Variants in NFATC2 observed in about 807,000 individuals in gnomAD.
NFATC2 encodes nuclear factor of activated T-cells, cytoplasmic 2.
NFATC2 carries 22 observed loss-of-function variants against 87.3 expected under a neutral mutation model. The observed-to-expected ratio is 0.25, with a 90% CI of 0.18 to 0.36. The LOEUF (loss-of-function observed/expected upper bound fraction) is 0.36. NFATC2 is among the 10% of genes least tolerant of loss of function. The probability of loss-of-function intolerance (pLI) is 1.00; values close to 1 mark genes in which losing one functional copy is unlikely to be tolerated. For synonymous variants in NFATC2, 565 were observed against 542.2 expected (o/e 1.04, Z -0.58); for missense variants, 1,149 against 1,259.1 (o/e 0.91, Z 1.32).
At chr20:51,456,392 T>C (rs1986543633) in intron 5 of NFATC2, among the ~76,000 whole-genome samples, 1 of 152,136 alleles carries the variant, frequency 6.6e-6, no homozygotes, top group Non-Finnish European at 1.5e-5. Flanking sequence ...AAGTCACCGC[T>C]TGGCCAAGGA....
intron 3 of NFATC2, among the ~76,000 whole-genome samples, chr20:51,491,722 A>G (rs566869325): frequency 1.3e-5 from 2 of 152,222 alleles, no homozygotes; most frequent in Admixed American, 6.5e-5. Flanking sequence ...AACGGGCTCC[A>G]GGACACTCCT....
chr20:51,437,552 C>T (rs746481071), intron 6 of NFATC2, among the ~76,000 whole-genome samples: 1 of 152,134 alleles, frequency 6.6e-6, no homozygotes, highest in Non-Finnish European at 1.5e-5. Flanking sequence ...GGACTTCAAG[C>T]GTTCTTAAAC....
intron 6 of NFATC2, among the ~76,000 whole-genome samples, chr20:51,437,112 CA>C (rs3029278): frequency 0.043 from 5,562 of 130,640 alleles, 221 homozygotes; most frequent in African/African-American, 0.13. Flanking sequence ...GAAGTTGGGC[CA>C]AAAAAAAAAA....
upstream of NFATC2, among the ~76,000 whole-genome samples, chr20:51,545,315 C>G (rs1159096826): frequency 6.6e-6 from 1 of 152,212 alleles, no homozygotes; most frequent in Non-Finnish European, 1.5e-5. Context: ...CATAACAGCA[C>G]CCCAGTGTGT....
intron 9 of NFATC2, among the ~76,000 whole-genome samples, chr20:51,408,090 C>T (rs1164274328): frequency 1.3e-5 from 2 of 152,210 alleles, no homozygotes; most frequent in Non-Finnish European, 2.9e-5. Flanking sequence ...AGGCCAAAGC[C>T]AGTTTCTCAA....
At chr20:51,396,357 A>ACAACCCAGAGGTATT (rs1341560654) in intron 10 of NFATC2, among the ~76,000 whole-genome samples, 1 of 152,030 alleles carries the variant, frequency 6.6e-6, no homozygotes, top group Non-Finnish European at 1.5e-5. Flanking sequence ...CATGGGGAAA[A>ACAACCCAGAGGTATT]CAACCCAGAG....
At chr20:51,499,536 T>C (rs1287305447) in intron 3 of NFATC2, among the ~76,000 whole-genome samples, 8 of 152,066 alleles carry the variant, frequency 5.3e-5, no homozygotes, top group African/African-American at 1.9e-4. Flanking sequence ...GTGGATCACT[T>C]GAGGCCAGGA....
At chr20:51,546,163 T>C (rs1490336200), upstream of NFATC2, among the ~76,000 whole-genome samples, 1 of 152,220 alleles carries the variant, frequency 6.6e-6, no homozygotes, top group Non-Finnish European at 1.5e-5. Context: ...TTCAGGACAG[T>C]CTAACTGCCT....
Position 51,411,673 on chromosome 20 carries a change from G to A in NFATC2, c.2723-12943C>T, listed in dbSNP as rs146861745. On this transcript the variant is annotated intron_variant, in intron 9 of 10. Transcript: ENST00000371564. ...CTCCTGAGTAGCTGGGATTACAGGC[G>A]TGTGCCACCACGCACAGCTAGTTTT... Among the ~76,000 whole-genome samples the A allele has an allele frequency of 2.9e-3, 444 of 152,018 alleles. 9 individuals are homozygous for A. In the East Asian group the frequency reaches 0.05, roughly 17 times the overall value.
At chr20:51,398,838 T>G in intron 9 of NFATC2, 108 bp from the exon 10 acceptor site, 1 of 778,012 alleles carries the variant, frequency 1.3e-6, no homozygotes, top group Admixed American at 2.2e-5. Flanking sequence ...GGAGGGAACT[T>G]AACCCTTTGG....
At chr20:51,488,398 C>T (rs1185923950) in intron 3 of NFATC2, among the ~76,000 whole-genome samples, 9 of 152,150 alleles carry the variant, frequency 5.9e-5, no homozygotes, top group Non-Finnish European at 1.2e-4. Context: ...CCAAATAAGT[C>T]TTTCTTGTCG....
intron 9 of NFATC2, among the ~76,000 whole-genome samples, chr20:51,402,380 C>G (rs1015986031): frequency 1.3e-5 from 2 of 152,174 alleles, no homozygotes; most frequent in East Asian, 3.9e-4. Flanking sequence ...CAGTTTACTT[C>G]CTTGTCCTTC....
At chr20:51,558,161 C>T (rs971503020) in intron 1 of NFATC2, among the ~76,000 whole-genome samples, 3 of 152,080 alleles carry the variant, frequency 2.0e-5, no homozygotes, top group Non-Finnish European at 2.9e-5. Flanking sequence ...GGAATCATAG[C>T]AAGACCCCAT....
At chr20:51,435,063 C>A in intron 8 of NFATC2, 125 bp downstream of exon 8, 3 of 1,203,644 alleles carry the variant, frequency 2.5e-6, no homozygotes, top group Non-Finnish European at 3.5e-6. Context: ...GATGATGCAA[C>A]TGAGGCTCAG....
chr20:51,535,082 T>G (rs1000793463), intron 1 of NFATC2, among the ~76,000 whole-genome samples: 1 of 152,218 alleles, frequency 6.6e-6, no homozygotes, highest in Non-Finnish European at 1.5e-5. Flanking sequence ...GAGAGTTCAA[T>G]GCATGACAGA....
chr20:51,425,084 T>G (rs1981582803), intron 9 of NFATC2, among the ~76,000 whole-genome samples: 1 of 148,864 alleles, frequency 6.7e-6, no homozygotes. Flanking sequence ...TGGCTGGGGG[T>G]GGGGGGTTGG....
At chr20:51,539,866 C>A (rs2076778574) in intron 1 of NFATC2, among the ~76,000 whole-genome samples, 1 of 152,178 alleles carries the variant, frequency 6.6e-6, no homozygotes, top group Non-Finnish European at 1.5e-5. Context: ...AGAGTAAGTG[C>A]TTTCCAGATT....
chr20:51,542,398 G>A lies in NFATC2; in HGVS notation c.102C>T (p.Phe34=), dbSNP rs774757283. ...CGTTCGGATTCAAATACTCATAGTC[G>A]AAGAGGATGGAGAAGTCAAGCTCGT... is the stretch of plus-strand genomic sequence containing the variant. ...PQDELDFSIL[F]DYEYLNPNEE... is the part of the protein sequence containing the mutation. The change falls in exon 1 of 11, where the codon TTC becomes TTT. Residue 34 remains phenylalanine, a synonymous_variant. Transcript: ENST00000371564. 3 of 1,607,050 alleles carry A rather than the reference G, an allele frequency of 1.9e-6. No homozygotes were observed. The highest frequency in any genetic ancestry group is 2.2e-5 in the South Asian group (2 of 90,964).
intron 6 of NFATC2, among the ~76,000 whole-genome samples, chr20:51,442,003 G>A (rs1228886551): frequency 1.3e-5 from 2 of 152,156 alleles, no homozygotes; most frequent in African/African-American, 4.8e-5. Flanking sequence ...GTCATAAAAA[G>A]TATTTATTGG....
Sources: allele counts gnomAD v4.1 joint callset (sites outside exome capture counted in the v4.1 genomes callset), GRCh38; gene constraint gnomAD v4.1.1; transcripts MANE v1.5; gene names NCBI Gene and HGNC (gene_info 2026-07-23, HGNC 2026-07-21).